EPB41L1: variants seen among roughly 807,000 people sequenced by gnomAD.
The protein encoded by EPB41L1 is band 4.1-like protein 1.
Under a neutral mutation model 97.8 loss-of-function variants are expected in EPB41L1, and 29 were observed. The ratio of observed to expected loss-of-function variants is 0.30; its 90% CI spans 0.22 to 0.40. The LOEUF is 0.40. EPB41L1 is among the 10% of genes least tolerant of loss of function. EPB41L1 has a pLI of 1.00. For synonymous variants in EPB41L1, 383 were observed against 459.2 expected, an observed-to-expected ratio of 0.83 and a Z score of 2.12; for missense variants, 812 against 1,162.3, an observed-to-expected ratio of 0.70 and a Z score of 4.38.
At position 36,164,747 on chromosome 20, in the gene EPB41L1, A is replaced by G. The variant is rs1249047135; in HGVS notation, c.-14-9017A>G. On this transcript the variant is annotated intron_variant, in intron 1 of 21. Transcript: ENST00000338074. ...TGTCTCCAGGCTGGAGTTCAGTGGCATGATCTCGGCTCATTTCAACCTCTG... is the reference window on the plus strand; with the variant it reads ...TGTCTCCAGGCTGGAGTTCAGTGGCGTGATCTCGGCTCATTTCAACCTCTG... Among the ~76,000 whole-genome samples the G allele has an allele frequency of 2.0e-5, 3 of 151,914 alleles. No individual in the cohort carries two copies. The East Asian group carries it at 5.8e-4, about 29-fold the overall frequency.
chr20:36,229,583 C>A lies in EPB41L1; in HGVS notation c.*243C>A. 2 of 399,794 alleles carry A rather than the reference C, an allele frequency of 5.0e-6. No individual in the cohort carries two copies. Among genetic ancestry groups the A allele is most frequent in the Admixed American group, 7.8e-5 (2 of 25,696 alleles). 24.8% of individuals were successfully genotyped at this position (399,794 alleles called of 1,614,324 possible). A position where few individuals can be genotyped will look rare whatever the true frequency, so the allele number is the denominator to read the frequency against. ...TGGCAGAGCAGTTGGCTGACAGCAACAACCGACATCTGAACACCTACATTT... is the reference window on the plus strand; with the variant it reads ...TGGCAGAGCAGTTGGCTGACAGCAAAAACCGACATCTGAACACCTACATTT... On this transcript the variant is annotated 3_prime_UTR_variant, in exon 22 of 22. Transcript: ENST00000338074.
intron 1 of EPB41L1, among the ~76,000 whole-genome samples, chr20:36,094,937 G>A (rs1601179536): frequency 6.6e-6 from 1 of 151,836 alleles, no homozygotes. Flanking sequence ...CAATAGCTGG[G>A]ACTATAGGAA....
chr20:36,194,368 C>A lies in EPB41L1; in HGVS notation c.1449+8C>A, dbSNP rs560369107. On this transcript the variant is annotated splice_region_variant and intron_variant, in intron 12 of 21. Transcript: ENST00000338074. Reference sequence around the variant, plus strand: ...AAGATCAAGGAGCTAAAGGTAGGAGCCTGGCTTTCTCATACTCTCTGCCCT... The same window carrying A: ...AAGATCAAGGAGCTAAAGGTAGGAGACTGGCTTTCTCATACTCTCTGCCCT... 1.2e-6 allele frequency: 2 copies of A among 1,601,816 alleles called. No individual in the cohort carries two copies. Among genetic ancestry groups the A allele is most frequent in the South Asian group, 1.1e-5 (1 of 89,256 alleles).
intron 9 of EPB41L1, among the ~76,000 whole-genome samples, chr20:36,188,957 G>A (rs2061822279): frequency 6.6e-6 from 1 of 151,612 alleles, no homozygotes; most frequent in Non-Finnish European, 1.5e-5. Context: ...ATGAATACAT[G>A]TCTGTGTAAA....
At position 36,207,064 on chromosome 20, in the gene EPB41L1, C is replaced by T. The variant is rs772373440; in HGVS notation, c.1669-2424C>T. ...GGACCGCGAGGCTTCAGCATTTCTT[C>T]ACATGGAGGTGATCATTCCCCTGCC... On this transcript the variant is annotated intron_variant, in intron 14 of 21. Transcript: ENST00000338074. This position sits in a 1 kb window ranked among gnomAD's most constrained non-coding sequence, Gnocchi z 4.9. 2.6e-5 allele frequency: 34 copies of T among 1,289,578 alleles called. No individual in the cohort carries two copies. The Middle Eastern group carries it at 6.4e-4, about 24-fold the overall frequency. 79.9% of individuals were successfully genotyped at this position (1,289,578 alleles called of 1,614,324 possible).
At chr20:36,176,034 C>G (rs2145947232) in intron 3 of EPB41L1, among the ~76,000 whole-genome samples, 1 of 152,348 alleles carries the variant, frequency 6.6e-6, no homozygotes, top group Middle Eastern at 3.4e-3. Context: ...GAACTGGGCT[C>G]CCCTATTCAC....
chr20:36,146,726 T>G (rs2059847819), intron 2 of EPB41L1, among the ~76,000 whole-genome samples: 1 of 152,016 alleles, frequency 6.6e-6, no homozygotes, highest in Admixed American at 6.6e-5. Context: ...GCTGGGAATG[T>G]GAGTGCAAGG....
At chr20:36,118,760 T>G (rs2058663170) in intron 2 of EPB41L1, among the ~76,000 whole-genome samples, 2 of 152,232 alleles carry the variant, frequency 1.3e-5, no homozygotes, top group African/African-American at 2.4e-5. Context: ...AATGCATTAA[T>G]GAATGTAAAT....
Position 36,178,118 on chromosome 20 carries a change from ACC to A in EPB41L1, c.447+66_447+67del, listed in dbSNP as rs1569218738. 53 of 1,224,644 alleles carry A rather than the reference ACC, an allele frequency of 4.3e-5. 2 individuals are homozygous for A. The South Asian group carries it at 6.4e-4, about 15-fold the overall frequency. The allele number at this position is 1,224,644 out of a possible 1,614,324, so 75.9% of individuals were successfully genotyped here. On this transcript the variant is annotated intron_variant, in intron 4 of 21. Transcript: ENST00000338074. ...CCGTTAGGCTCCTGTAATCCTGGCC[ACC>A]CCCAACAGCATCCATTAGTGCTCAA... is the stretch of plus-strand genomic sequence containing the variant.
rs2061919221 is a variant in EPB41L1, at chr20:36,190,892, G to T, written c.1300+95G>T. On this transcript the variant is annotated intron_variant, in intron 11 of 21. Transcript: ENST00000338074. This position sits in a 1 kb window ranked among gnomAD's most constrained non-coding sequence, Gnocchi z 5.8. ...GTTCTGCAGAATGAGCAGGAAAATG[G>T]TAGATGCATCCCAAGTTCATCTGCA... 1 of 1,508,624 alleles carries T rather than the reference G, an allele frequency of 6.6e-7. No individual in the cohort carries two copies. The allele number at this position is 1,508,624 out of a possible 1,614,324, so 93.5% of individuals were successfully genotyped here.
In EPB41L1 at chr20:36,130,391, A is replaced by G. The variant is rs756681358; in HGVS notation, c.-10+17911A>G. Among the ~76,000 whole-genome samples the G allele has an allele frequency of 3.9e-5, 6 of 152,258 alleles. No individual in the cohort carries two copies. In the East Asian group the frequency reaches 9.6e-4, roughly 24 times the overall value. ...AGTTTTCCTTTGCTCTTTCTTGCAC[A>G]GTCATAATTTCTACCGCATCATCAG... On this transcript the variant is annotated intron_variant, in intron 2 of 19. Coordinates refer to the EPB41L1 transcript ENST00000202028.
chr20:36,175,944 C>G (rs550250335), intron 3 of EPB41L1, among the ~76,000 whole-genome samples: 1 of 152,256 alleles, frequency 6.6e-6, no homozygotes, highest in Admixed American at 6.5e-5. Context: ...GGGCTGGCAC[C>G]AGGGGAAGAT....
At chr20:36,133,257 T>C (rs1444732310) in intron 2 of EPB41L1, among the ~76,000 whole-genome samples, 5 of 152,246 alleles carry the variant, frequency 3.3e-5, no homozygotes, top group African/African-American at 1.2e-4. Context: ...CCTTTGGTAT[T>C]TGGGGTCTGA....
At chr20:36,202,433 C>T (rs2062548787) in intron 14 of EPB41L1, among the ~76,000 whole-genome samples, 1 of 152,166 alleles carries the variant, frequency 6.6e-6, no homozygotes, top group Admixed American at 6.5e-5. Context: ...ACACTTCACT[C>T]TCTTCCCACT....
At chr20:36,152,046 G>T (rs2060075283), upstream of EPB41L1, 1 of 152,080 alleles carries the variant, frequency 6.6e-6, no homozygotes, top group Admixed American at 6.5e-5. Flanking sequence ...GGCGGAGCTT[G>T]CAGTGAGCCG....
Position 36,148,424 on chromosome 20 carries a change from C to T in EPB41L1, c.-9-27127C>T, listed in dbSNP as rs4142033. 2.6e-3 allele frequency among the ~76,000 whole-genome samples: 390 copies of T among 152,198 alleles called. 6 individuals are homozygous for T. In the East Asian group the frequency reaches 0.046, roughly 18 times the overall value. ...GGAAATGGGAAGAGGGTCTCCCAGGCAGAGAAGAGGGCACAGCCACTGTGC... is the reference window on the plus strand; with the variant it reads ...GGAAATGGGAAGAGGGTCTCCCAGGTAGAGAAGAGGGCACAGCCACTGTGC... On this transcript the variant is annotated intron_variant, in intron 2 of 19. Transcript: ENST00000202028.
At position 36,093,815 on chromosome 20, in the gene EPB41L1, G is replaced by A. The variant is rs1012503331; in HGVS notation, c.-65+2203G>A. ...CAGCCGGTTCAGGGATTCATTTCCT[G>A]TTGTGGCCAGGGGACATGTCCCCTC... On this transcript the variant is annotated intron_variant, in intron 1 of 19. Transcript: ENST00000202028. The surrounding 1 kb of genome is among the most constrained non-coding windows in gnomAD (Gnocchi z 5.4). Among the ~76,000 whole-genome samples, 7 of 152,094 alleles carry A rather than the reference G, an allele frequency of 4.6e-5. No homozygotes were observed. The highest frequency in any genetic ancestry group is 7.4e-5 in the Non-Finnish European group (5 of 67,994).
intron 7 of EPB41L1, among the ~76,000 whole-genome samples, chr20:36,185,587 T>G (rs777163405): frequency 6.6e-6 from 1 of 152,234 alleles, no homozygotes; most frequent in Non-Finnish European, 1.5e-5. Context: ...TCCCTGTCCT[T>G]GGCCTCTGAG....
At chr20:36,158,943 C>T (rs190441575) in intron 1 of EPB41L1, among the ~76,000 whole-genome samples, 79 of 152,264 alleles carry the variant, frequency 5.2e-4, no homozygotes, top group African/African-American at 1.9e-3. Context: ...CATGACAGAA[C>T]TGTGTTTTGG....
Sources: allele counts gnomAD v4.1 joint callset (sites outside exome capture counted in the v4.1 genomes callset), GRCh38; gene constraint gnomAD v4.1.1; non-coding constraint Gnocchi (gnomAD v3.1); transcripts MANE v1.5; gene names NCBI Gene and HGNC (gene_info 2026-07-23, HGNC 2026-07-21).